The following HPSE2 variants were observed in gnomAD, a reference collection of about 807,000 sequenced individuals.
The protein encoded by HPSE2 is inactive heparanase-2.
In HPSE2, 38 loss-of-function variants were observed where a neutral mutation model predicts 60.5. That is an observed-to-expected ratio of 0.63 (90% CI 0.48 to 0.82). HPSE2 has a LOEUF of 0.82. HPSE2 is among the 40% of genes least tolerant of loss of function. The pLI is 0.00. For synonymous variants in HPSE2, 295 were observed against 293.2 expected (o/e 1.01, Z -0.06); for missense variants, 713 against 740.4 (o/e 0.96, Z 0.43).
Position 98,694,128 on chromosome 10 carries a change from G to A in HPSE2, c.957-181C>T, listed in dbSNP as rs370199990. On this transcript the variant is annotated intron_variant, in intron 5 of 11. Coordinates refer to ENST00000370552, the MANE Select transcript of HPSE2 (RefSeq NM_021828.5). ...TATTGGAGGTCAAACTATACAGAAA[G>A]TGAAAGTAACCATACTTCCAGCTCC... is the stretch of plus-strand genomic sequence containing the variant. Among the ~76,000 whole-genome samples the A allele has an allele frequency of 1.2e-3, 189 of 152,260 alleles. 8 individuals carry two copies. The South Asian group carries it at 0.038, about 31-fold the overall frequency.
rs1470902512 is a variant in HPSE2, at chr10:98,936,676, T to C, written c.611-192620A>G. 3.5e-5 allele frequency among the ~76,000 whole-genome samples: 5 copies of C among 143,154 alleles called. 2 individuals are homozygous for C. The highest frequency in any genetic ancestry group is 7.5e-5 in the Non-Finnish European group (5 of 66,994). The allele number at this position is 143,154 out of a possible 152,430, so 93.9% of individuals were successfully genotyped here. ...ATTATATGGCCCATAAAGCCTAAAA[T>C]ACTTACTTATTTTGAAAGTTTTGGC... On this transcript the variant is annotated intron_variant, in intron 3 of 11. Transcript: ENST00000370552.
rs1208626255 is a variant in HPSE2 at position 98,929,461 on chromosome 10, T to G, written c.611-185405A>C. 5.6e-5 allele frequency among the ~76,000 whole-genome samples: 8 copies of G among 143,910 alleles called. 2 individuals carry two copies. Among genetic ancestry groups the G allele is most frequent in the African/African-American group, 1.7e-4 (6 of 35,378 alleles). 94.4% of individuals were successfully genotyped at this position (143,910 alleles called of 152,430 possible). ...TACTCAAGATCCTTTCTGGCCCTAT[T>G]GATCCAGGTTTTTACATACTAAAGC... is the stretch of plus-strand genomic sequence containing the variant. On this transcript the variant is annotated intron_variant, in intron 3 of 11. Coordinates refer to ENST00000370552, the MANE Select transcript of HPSE2 (RefSeq NM_021828.5).
At chr10:99,190,637 G>A (rs891776955) in intron 2 of HPSE2, among the ~76,000 whole-genome samples, 2 of 152,166 alleles carry the variant, frequency 1.3e-5, no homozygotes, top group Admixed American at 6.5e-5. Flanking sequence ...TGGAGAGGAG[G>A]AGGCAGAGCA....
the HPSE2 span, among the ~76,000 whole-genome samples, chr10:99,296,028 C>T: frequency 0.017 from 2,578 of 152,284 alleles, 68 homozygotes; most frequent in African/African-American, 0.059. Flanking sequence ...CCAAATGTGA[C>T]GTATCACTTA....
At chr10:98,718,748 C>T (rs1024343124) in intron 5 of HPSE2, among the ~76,000 whole-genome samples, 3 of 151,694 alleles carry the variant, frequency 2.0e-5, no homozygotes, top group South Asian at 2.1e-4. Flanking sequence ...GTGGACCTCA[C>T]GGAGGTAGAG....
At chr10:98,870,313 A>G (rs976332419) in intron 3 of HPSE2, among the ~76,000 whole-genome samples, 2 of 152,192 alleles carry the variant, frequency 1.3e-5, no homozygotes, top group African/African-American at 4.8e-5. Context: ...GTGTATGGCT[A>G]CAGAGATCTG....
At chr10:99,075,020 C>T (rs1589614880) in intron 3 of HPSE2, among the ~76,000 whole-genome samples, 1 of 151,788 alleles carries the variant, frequency 6.6e-6, no homozygotes, top group East Asian at 1.9e-4. Context: ...TTGTTGGTCT[C>T]TTCTATTCTC....
At chr10:98,564,598 A>G (rs1944286084) in intron 9 of HPSE2, among the ~76,000 whole-genome samples, 1 of 152,192 alleles carries the variant, frequency 6.6e-6, no homozygotes, top group Non-Finnish European at 1.5e-5. Flanking sequence ...CACAGCACAA[A>G]GCAATTTTTG....
At chr10:99,240,614 G>A (rs879818743), upstream of HPSE2, among the ~76,000 whole-genome samples, 3 of 151,984 alleles carry the variant, frequency 2.0e-5, no homozygotes, top group Non-Finnish European at 2.9e-5. Flanking sequence ...GGGTTTCACC[G>A]TGTTAGCCAG....
intron 9 of HPSE2, among the ~76,000 whole-genome samples, chr10:98,609,598 T>C (rs1373994987): frequency 6.6e-6 from 1 of 152,238 alleles, no homozygotes; most frequent in Non-Finnish European, 1.5e-5. Context: ...TCTACATGTA[T>C]GTATATATAC....
intron 2 of HPSE2, among the ~76,000 whole-genome samples, chr10:99,216,188 CTTTTTTT>C (rs550046406): frequency 1.0e-5 from 1 of 97,674 alleles, no homozygotes; most frequent in East Asian, 3.1e-4. Context: ...ATAACCTAAA[CTTTTTTT>C]TTTTTTTTTT....
At chr10:99,187,382 A>C (rs1419027592) in intron 2 of HPSE2, among the ~76,000 whole-genome samples, 3 of 152,222 alleles carry the variant, frequency 2.0e-5, no homozygotes, top group Admixed American at 6.5e-5. Flanking sequence ...AGCACAAATT[A>C]CTTTTTAAAT....
chr10:99,112,075 T>C (rs758776591), intron 3 of HPSE2, among the ~76,000 whole-genome samples: 3 of 152,074 alleles, frequency 2.0e-5, no homozygotes, highest in Non-Finnish European at 2.9e-5. Context: ...AAAAGGCAAA[T>C]ACTCTAATTC....
chr10:98,710,085 C>T (rs1360883861), intron 5 of HPSE2, among the ~76,000 whole-genome samples: 1 of 152,196 alleles, frequency 6.6e-6, no homozygotes, highest in Non-Finnish European at 1.5e-5. Context: ...ATAATTCATC[C>T]TGAGTTATAG....
chr10:98,932,980 T>C (rs1048804698), intron 3 of HPSE2, among the ~76,000 whole-genome samples: 8 of 143,076 alleles, frequency 5.6e-5, no homozygotes, highest in Non-Finnish European at 1.2e-4. Context: ...ATCTCCCGAG[T>C]TTGGTTATTT....
At chr10:99,166,686 C>T (rs2796753) in intron 2 of HPSE2, among the ~76,000 whole-genome samples, 26,879 of 151,398 alleles carry the variant, frequency 0.18, 2,828 homozygotes, top group Admixed American at 0.25. Flanking sequence ...TATCTCTTGC[C>T]CACTTTTTAT....
At chr10:99,038,900 AG>A (rs1386871515) in intron 3 of HPSE2, among the ~76,000 whole-genome samples, 1 of 152,190 alleles carries the variant, frequency 6.6e-6, no homozygotes, top group Non-Finnish European at 1.5e-5. Context: ...TGTTATAAAA[AG>A]AATAAGAGAA....
chr10:98,984,123 C>G (rs1051300908), intron 3 of HPSE2, among the ~76,000 whole-genome samples: 9 of 152,200 alleles, frequency 5.9e-5, no homozygotes, highest in Admixed American at 5.9e-4. Context: ...ATGTCCTTAT[C>G]TGACAGCTTT....
At chr10:98,525,750 A>G (rs1304296280) in intron 9 of HPSE2, among the ~76,000 whole-genome samples, 1 of 152,176 alleles carries the variant, frequency 6.6e-6, no homozygotes, top group African/African-American at 2.4e-5. Flanking sequence ...GTTGGGGGGC[A>G]TGTAACTCAG....
Sources: gnomAD v4.1 joint callset for allele counts (sites outside exome capture counted in the v4.1 genomes callset) on GRCh38, gnomAD v4.1.1 for gene constraint, MANE v1.5 for transcripts, NCBI Gene and HGNC (gene_info 2026-07-23, HGNC 2026-07-21) for gene names.